Variants in LRRC4C observed in about 807,000 individuals in gnomAD.
LRRC4C encodes leucine-rich repeat-containing protein 4C.
A neutral mutation model predicts 33.6 loss-of-function variants in LRRC4C; 5 were observed. That is an observed-to-expected ratio of 0.15 (90% CI 0.08 to 0.31). LRRC4C has a LOEUF of 0.31. Ranked by LOEUF, LRRC4C falls within the 10% of genes least tolerant of loss-of-function variation. The probability of loss-of-function intolerance (pLI) is 1.00; values close to 1 mark genes in which losing one functional copy is unlikely to be tolerated. For missense variants in LRRC4C, 560 were observed against 796.7 expected (o/e 0.70, Z 3.58); for synonymous variants, 329 against 302.0 (o/e 1.09, Z -0.93).
intron 1 of LRRC4C, among the ~76,000 whole-genome samples, chr11:40,988,191 G>C (rs1853211810): frequency 6.6e-6 from 1 of 152,168 alleles, no homozygotes; most frequent in African/African-American, 2.4e-5. Context: ...ATTATGCTGA[G>C]TAAGATGGAG....
intron 1 of LRRC4C, among the ~76,000 whole-genome samples, chr11:40,997,196 G>T (rs976745481): frequency 1.3e-4 from 20 of 152,022 alleles, no homozygotes; most frequent in African/African-American, 4.8e-4. Flanking sequence ...AAATAAGAGA[G>T]TATATACTGT....
chr11:40,374,049 C>G (rs1161640925), intron 3 of LRRC4C, among the ~76,000 whole-genome samples: 1 of 152,144 alleles, frequency 6.6e-6, no homozygotes, highest in Non-Finnish European at 1.5e-5. Context: ...ATATCATTAT[C>G]CCTTAACAAG....
In LRRC4C at chr11:40,404,313, A is replaced by G. The variant is rs76429593; in HGVS notation, c.-269-84592T>C. The stretch of plus-strand genomic sequence containing the variant: ...AGGCAACTCAGCTGAGCCCCGTCCA[A>G]TTGACCCACACAATAAAGAGCTAAA... On this transcript the variant is annotated intron_variant, in intron 3 of 6. Transcript: ENST00000528697. Among the ~76,000 whole-genome samples the G allele has an allele frequency of 7.7e-3, 1,175 of 152,292 alleles. 14 individuals are homozygous for G. The highest frequency in any genetic ancestry group is 0.027 in the African/African-American group (1,111 of 41,566).
chr11:40,225,173 T>C (rs2135957132), intron 5 of LRRC4C, among the ~76,000 whole-genome samples: 1 of 152,274 alleles, frequency 6.6e-6, no homozygotes, highest in East Asian at 1.9e-4. Flanking sequence ...GAAACAGACA[T>C]GAGCTATTTG....
intron 2 of LRRC4C, among the ~76,000 whole-genome samples, chr11:40,819,401 T>A (rs917690048): frequency 6.6e-6 from 1 of 152,136 alleles, no homozygotes; most frequent in Admixed American, 6.6e-5. Context: ...GGAATTCTGC[T>A]ACTTCCCCAC....
chr11:40,398,400 C>T (rs187423559), intron 3 of LRRC4C, among the ~76,000 whole-genome samples: 7 of 152,040 alleles, frequency 4.6e-5, no homozygotes, highest in African/African-American at 1.4e-4. Context: ...AGAGACTATA[C>T]CTGCCTGAGT....
intron 1 of LRRC4C, among the ~76,000 whole-genome samples, chr11:41,129,862 C>T (rs1942930894): frequency 1.3e-5 from 2 of 151,952 alleles, no homozygotes; most frequent in Admixed American, 1.3e-4. Context: ...ATTGCTCCTA[C>T]ATGAACTCTC....
intron 1 of LRRC4C, among the ~76,000 whole-genome samples, chr11:40,987,144 AG>A (rs1193987297): frequency 6.6e-6 from 1 of 152,178 alleles, no homozygotes; most frequent in Admixed American, 6.5e-5. Context: ...TCCTCCCTCC[AG>A]GTCATCCTTC....
chr11:40,909,748 G>A (rs190412128), intron 2 of LRRC4C, among the ~76,000 whole-genome samples: 5 of 151,968 alleles, frequency 3.3e-5, no homozygotes, highest in Admixed American at 6.6e-5. Context: ...TTTTACAAAG[G>A]GCAGTTTACT....
At chr11:41,315,221 A>T (rs1302468540) in intron 1 of LRRC4C, among the ~76,000 whole-genome samples, 2 of 152,228 alleles carry the variant, frequency 1.3e-5, no homozygotes, top group Non-Finnish European at 2.9e-5. Flanking sequence ...AGGCATATCA[A>T]TGCCTACATT....
intron 2 of LRRC4C, among the ~76,000 whole-genome samples, chr11:40,680,665 C>A (rs928710894): frequency 2.0e-5 from 3 of 152,174 alleles, no homozygotes; most frequent in Non-Finnish European, 4.4e-5. Flanking sequence ...CTCCTCCTTG[C>A]TTTCCGCCAT....
chr11:41,408,642 AC>A (rs1954332222), intron 1 of LRRC4C, among the ~76,000 whole-genome samples: 2 of 152,074 alleles, frequency 1.3e-5, no homozygotes, highest in Admixed American at 1.3e-4. Context: ...GATTGCTTTT[AC>A]AATGATGATT....
chr11:40,606,433 C>T (rs1325626705), intron 3 of LRRC4C, among the ~76,000 whole-genome samples: 2 of 152,090 alleles, frequency 1.3e-5, no homozygotes, highest in Non-Finnish European at 2.9e-5. Flanking sequence ...AAGTCATCCC[C>T]TGTACAAAGC....
At chr11:40,746,744 G>GTT (rs1338606801) in intron 2 of LRRC4C, among the ~76,000 whole-genome samples, 3 of 152,142 alleles carry the variant, frequency 2.0e-5, no homozygotes, top group African/African-American at 7.2e-5. Context: ...GGTCCCCTGA[G>GTT]CACTCCTCTT....
chr11:40,431,860 A>G (rs979771144), intron 3 of LRRC4C, among the ~76,000 whole-genome samples: 6 of 152,136 alleles, frequency 3.9e-5, no homozygotes, highest in African/African-American at 1.4e-4. Flanking sequence ...TATTCCAGGG[A>G]CTGAGCCCAT....
chr11:41,003,759 G>T (rs1854546236), intron 1 of LRRC4C, among the ~76,000 whole-genome samples: 1 of 151,852 alleles, frequency 6.6e-6, no homozygotes, highest in African/African-American at 2.4e-5. Context: ...TGCACAATTT[G>T]CAGTGCCCTT....
intron 1 of LRRC4C, among the ~76,000 whole-genome samples, chr11:41,061,553 C>T (rs887217312): frequency 6.6e-6 from 1 of 152,136 alleles, no homozygotes; most frequent in African/African-American, 2.4e-5. Context: ...TGTTGTTTGC[C>T]ACTCTAATAC....
chr11:40,910,575 C>G (rs1956625425), intron 2 of LRRC4C, among the ~76,000 whole-genome samples: 1 of 152,288 alleles, frequency 6.6e-6, no homozygotes, highest in East Asian at 1.9e-4. Context: ...GGTGGGGAGC[C>G]AAGACGGCTG....
Position 40,416,059 on chromosome 11 carries a change from G to C in LRRC4C, c.-269-96338C>G, listed in dbSNP as rs1218171564. On this transcript the variant is annotated intron_variant, in intron 3 of 6. Transcript: ENST00000528697. ...TAAAATTGTATTTTATTTTTACTCA[G>C]AACAACAATAAATAACAACAACAGC... 3.3e-5 allele frequency among the ~76,000 whole-genome samples: 5 copies of C among 152,136 alleles called. No individual in the cohort carries two copies. The East Asian group carries it at 9.6e-4, about 29-fold the overall frequency.
Sources: allele counts gnomAD v4.1 joint callset (sites outside exome capture counted in the v4.1 genomes callset), GRCh38; gene constraint gnomAD v4.1.1; transcripts MANE v1.5; gene names NCBI Gene and HGNC (gene_info 2026-07-23, HGNC 2026-07-21).